The following AUTS2 variants were observed in gnomAD, a reference collection of about 807,000 sequenced individuals.
The protein encoded by AUTS2 is autism susceptibility gene 2 protein.
A neutral mutation model predicts 112.4 loss-of-function variants in AUTS2; 17 were observed. That is an observed-to-expected ratio of 0.15 (90% CI 0.10 to 0.23). The LOEUF is 0.23. AUTS2 is among the 10% of genes least tolerant of loss of function. The pLI is 1.00. For missense variants in AUTS2, 1,510 were observed against 1,701.6 expected, an observed-to-expected ratio of 0.89 and a Z score of 1.98; for synonymous variants, 751 against 702.7, an observed-to-expected ratio of 1.07 and a Z score of -1.09.
chr7:70,566,108 G>C lies in AUTS2; in HGVS notation c.690+130327G>C, dbSNP rs1381323455. Among the ~76,000 whole-genome samples the C allele has an allele frequency of 2.6e-5, 4 of 152,168 alleles. No individual in the cohort carries two copies. In the South Asian group the frequency reaches 8.3e-4, roughly 32 times the overall value. On this transcript the variant is annotated intron_variant, in intron 5 of 18. Transcript: ENST00000342771. ...GTCCAGAATATGAAGCAAAGAATCC[G>C]ATCCATTCAGAAACCAAGAAACCTC...
intron 1 of AUTS2, among the ~76,000 whole-genome samples, chr7:69,862,490 A>C (rs1793033505): frequency 6.6e-6 from 1 of 152,164 alleles, no homozygotes; most frequent in South Asian, 2.1e-4. Flanking sequence ...TCAGACACAA[A>C]GGTAAGTGTC....
intron 5 of AUTS2, among the ~76,000 whole-genome samples, chr7:70,481,742 C>T (rs1474905791): frequency 1.3e-5 from 2 of 152,160 alleles, no homozygotes; most frequent in African/African-American, 2.4e-5. Context: ...TGTTTGGGGT[C>T]CTATCTGACG....
At chr7:70,166,900 G>A (rs6976362) in intron 4 of AUTS2, among the ~76,000 whole-genome samples, 51,565 of 152,088 alleles carry the variant, frequency 0.34, 10,762 homozygotes, top group Non-Finnish European at 0.47. Flanking sequence ...CTATTTTAAA[G>A]CAAAGAGGAT....
chr7:70,787,559 C>T (rs1005486930), intron 18 of AUTS2, 128 bp downstream of exon 18: 5 of 658,386 alleles, frequency 7.6e-6, no homozygotes, highest in East Asian at 2.7e-5. Context: ...CTCAGCTCCT[C>T]CCCACAGCCA....
chr7:69,796,655 T>C (rs1789857633), intron 1 of AUTS2, among the ~76,000 whole-genome samples: 1 of 152,172 alleles, frequency 6.6e-6, no homozygotes, highest in African/African-American at 2.4e-5. Flanking sequence ...CCTCTCCAAA[T>C]TGAACAATTG....
intron 6 of AUTS2, among the ~76,000 whole-genome samples, chr7:70,712,057 C>T (rs1458789167): frequency 6.6e-6 from 1 of 151,508 alleles, no homozygotes; most frequent in East Asian, 1.9e-4. Context: ...CAGGGTCTCA[C>T]TCTGTCGCCC....
intron 4 of AUTS2, among the ~76,000 whole-genome samples, chr7:70,355,014 A>ATGTG (rs571413914): frequency 3.9e-5 from 5 of 128,658 alleles, no homozygotes; most frequent in Admixed American, 3.1e-4. Flanking sequence ...GTGTGTATGT[A>ATGTG]TGTGTGTGTG....
chr7:70,462,288 G>A (rs1796998046), intron 5 of AUTS2, among the ~76,000 whole-genome samples: 1 of 152,044 alleles, frequency 6.6e-6, no homozygotes, highest in South Asian at 2.1e-4. Context: ...ATAAAATAAA[G>A]TGGATAGGGG....
chr7:70,738,002 A>G, intron 6 of AUTS2, among the ~76,000 whole-genome samples: 1 of 152,038 alleles, frequency 6.6e-6, no homozygotes, highest in Admixed American at 6.5e-5. Flanking sequence ...GAAGGCTTGT[A>G]CGGAAGACAT....
chr7:70,251,705 T>C (rs1184425850), intron 4 of AUTS2, among the ~76,000 whole-genome samples: 5 of 152,214 alleles, frequency 3.3e-5, no homozygotes, highest in African/African-American at 1.2e-4. Flanking sequence ...AGTTTGCTTG[T>C]TGGCTCTTCA....
At chr7:70,398,406 T>A (rs1194173606) in intron 4 of AUTS2, among the ~76,000 whole-genome samples, 1 of 152,216 alleles carries the variant, frequency 6.6e-6, no homozygotes, top group East Asian at 1.9e-4. Flanking sequence ...AGATCTTCTT[T>A]CATTTCTCTT....
chr7:69,859,041 C>G (rs1792861046), intron 1 of AUTS2, among the ~76,000 whole-genome samples: 2 of 152,230 alleles, frequency 1.3e-5, no homozygotes, highest in African/African-American at 4.8e-5. Flanking sequence ...ACAGCATCTT[C>G]ATCATTCCAA....
chr7:70,670,351 A>G (rs1215919274), intron 5 of AUTS2, among the ~76,000 whole-genome samples: 2 of 152,216 alleles, frequency 1.3e-5, no homozygotes, highest in Non-Finnish European at 2.9e-5. Context: ...TTCCATCCAC[A>G]TATTAGCCCC....
intron 2 of AUTS2, among the ~76,000 whole-genome samples, chr7:69,945,197 A>G (rs1796763273): frequency 6.6e-6 from 1 of 152,230 alleles, no homozygotes; most frequent in Non-Finnish European, 1.5e-5. Context: ...AGCCATCACC[A>G]CAAGCAATTT....
rs200867539 is a variant in AUTS2 at position 70,053,544 on chromosome 7, G to GTTTTTTTTTTTTTTTTTTTTTTTTTT, written c.523-64576_523-64575insTTTTTTTTTTTTTTTTTTTTTTTTTT. Reference sequence around the variant, plus strand: ...ATTGTGGCAACCACTGTTTTGGGTGGTTTTTTTTTTTTGGAGACAGGATCT... The same window carrying GTTTTTTTTTTTTTTTTTTTTTTTTTT: ...ATTGTGGCAACCACTGTTTTGGGTGGTTTTTTTTTTTTTTTTTTTTTTTTTTTTTTTTTTTTTTGGAGACAGGATCT... On this transcript the variant is annotated intron_variant, in intron 2 of 18. Transcript: ENST00000342771. Among the ~76,000 whole-genome samples the GTTTTTTTTTTTTTTTTTTTTTTTTTT allele has an allele frequency of 2.8e-3, 359 of 127,682 alleles. 21 individuals are homozygous for GTTTTTTTTTTTTTTTTTTTTTTTTTT. The highest frequency in any genetic ancestry group is 0.017 in the Middle Eastern group (4 of 236). 83.8% of individuals were successfully genotyped at this position (127,682 alleles called of 152,430 possible).
chr7:70,433,273 C>G lies in AUTS2; in HGVS notation c.661-2479C>G, dbSNP rs979038923. ...CCCACTCCTCGTCCTCCCTGCACAC[C>G]AGATCCTTGGGGAGGTGGGCAAATG... On this transcript the variant is annotated intron_variant, in intron 4 of 18. Transcript: ENST00000342771. Among the ~76,000 whole-genome samples, 11 of 152,284 alleles carry G rather than the reference C, an allele frequency of 7.2e-5. No individual in the cohort carries two copies. In the South Asian group the frequency reaches 2.1e-3, roughly 29 times the overall value.
chr7:69,608,542 G>A (rs1015811547), intron 1 of AUTS2, among the ~76,000 whole-genome samples: 4 of 152,192 alleles, frequency 2.6e-5, no homozygotes, highest in East Asian at 1.9e-4. Context: ...AGTTATACTC[G>A]TTGGCTAAAG....
At chr7:70,114,741 C>T (rs1026348904) in intron 2 of AUTS2, among the ~76,000 whole-genome samples, 4 of 151,436 alleles carry the variant, frequency 2.6e-5, no homozygotes, top group Non-Finnish European at 2.9e-5. Context: ...GCGGAGGTTG[C>T]GGTGAGCAGA....
chr7:70,448,509 C>T (rs1245294629), intron 5 of AUTS2, among the ~76,000 whole-genome samples: 3 of 152,170 alleles, frequency 2.0e-5, no homozygotes, highest in Non-Finnish European at 2.9e-5. Flanking sequence ...TACCATAGGT[C>T]CAGGGGATTG....
Sources: gnomAD v4.1 joint callset for allele counts (sites outside exome capture counted in the v4.1 genomes callset) on GRCh38, gnomAD v4.1.1 for gene constraint, MANE v1.5 for transcripts, NCBI Gene and HGNC (gene_info 2026-07-23, HGNC 2026-07-21) for gene names.